ARL6: variants seen among roughly 807,000 people sequenced by gnomAD.
ARL6 encodes ADP-ribosylation factor-like protein 6.
In ARL6, 18 loss-of-function variants were observed where a neutral mutation model predicts 27.1. That is an observed-to-expected ratio of 0.66 (90% CI 0.46 to 0.98). ARL6 has a LOEUF of 0.98. Among genes scored for constraint, ARL6 ranks in the 50% least tolerant of loss-of-function variants. The probability of loss-of-function intolerance (pLI) is 0.00; values close to 1 mark genes in which losing one functional copy is unlikely to be tolerated. For synonymous variants in ARL6, 65 were observed against 72.3 expected, an observed-to-expected ratio of 0.90 and a Z score of 0.51; for missense variants, 187 against 214.9, an observed-to-expected ratio of 0.87 and a Z score of 0.81.
At chr3:97,774,283 G>A (rs548307646) in intron 2 of ARL6, among the ~76,000 whole-genome samples, 1 of 151,980 alleles carries the variant, frequency 6.6e-6, no homozygotes, top group Admixed American at 6.6e-5. Flanking sequence ...TACCTCTGGG[G>A]CCCCCCCAGG....
intron 2 of ARL6, among the ~76,000 whole-genome samples, chr3:97,774,852 C>T (rs2036817215): frequency 6.6e-6 from 1 of 152,150 alleles, no homozygotes; most frequent in Non-Finnish European, 1.5e-5. Context: ...GAGTTACAAT[C>T]CCTGAGTTCA....
intron 2 of ARL6, among the ~76,000 whole-genome samples, chr3:97,773,995 C>T (rs1057095623): frequency 6.6e-6 from 1 of 152,170 alleles, no homozygotes; most frequent in Non-Finnish European, 1.5e-5. Flanking sequence ...TGTAGTTTCC[C>T]ATTGACCTTA....
At chr3:97,771,843 T>C (rs1182482810) in intron 2 of ARL6, among the ~76,000 whole-genome samples, 5 of 152,188 alleles carry the variant, frequency 3.3e-5, no homozygotes, top group African/African-American at 1.2e-4. Flanking sequence ...ATATATTGAT[T>C]TGTGTATGTT....
chr3:97,776,831 G>A (rs954294950), intron 2 of ARL6, among the ~76,000 whole-genome samples: 22 of 151,804 alleles, frequency 1.4e-4, no homozygotes, highest in African/African-American at 5.3e-4. Context: ...TACTTTTTTT[G>A]TATTTTTAGT....
intron 4 of ARL6, among the ~76,000 whole-genome samples, chr3:97,781,633 G>A (rs188876166): frequency 5.3e-5 from 8 of 152,110 alleles, no homozygotes; most frequent in East Asian, 1.9e-4. Flanking sequence ...CCAATCCCTC[G>A]CCAATTCGGA....
At chr3:97,791,919 C>CT in intron 7 of ARL6, 93 bp downstream of exon 7, 1 of 1,098,460 alleles carries the variant, frequency 9.1e-7, no homozygotes, top group Non-Finnish European at 1.3e-6. Context: ...ATATCATTGC[C>CT]TTTTTTCCTC....
intron 2 of ARL6, among the ~76,000 whole-genome samples, chr3:97,774,243 G>A (rs1373632154): frequency 6.6e-6 from 1 of 152,136 alleles, no homozygotes; most frequent in African/African-American, 2.4e-5. Context: ...TGAGTGTAGT[G>A]CACCACCTCA....
At chr3:97,797,991 G>A in intron 7 of ARL6, 33 bp from the exon 8 acceptor site, 1 of 1,606,274 alleles carries the variant, frequency 6.2e-7, no homozygotes, top group Non-Finnish European at 8.5e-7. Flanking sequence ...GCCCTATAGA[G>A]ATTGATAATT....
intron 7 of ARL6, among the ~76,000 whole-genome samples, chr3:97,795,756 C>T (rs1157558963): frequency 6.6e-6 from 1 of 152,160 alleles, no homozygotes; most frequent in African/African-American, 2.4e-5. Context: ...GATTATACAT[C>T]TTCCCTTTAA....
At chr3:97,793,266 C>T (rs2037831771) in intron 7 of ARL6, 1 of 152,140 alleles carries the variant, frequency 6.6e-6, no homozygotes, top group Non-Finnish European at 1.5e-5. Context: ...TCTAGTGATT[C>T]TCAGAAGAAC....
intron 2 of ARL6, among the ~76,000 whole-genome samples, chr3:97,776,588 T>A (rs968898392): frequency 6.6e-6 from 1 of 152,196 alleles, no homozygotes; most frequent in African/African-American, 2.4e-5. Flanking sequence ...CTGTGGGAGA[T>A]AGTGAAGCCT....
intron 2 of ARL6, among the ~76,000 whole-genome samples, chr3:97,770,873 GTC>G (rs2036607200): frequency 2.0e-5 from 3 of 151,940 alleles, no homozygotes. Flanking sequence ...TCTTCTGTTG[GTC>G]TGTGTGTGTG....
At chr3:97,781,983 T>G (rs1167432996) in intron 4 of ARL6, among the ~76,000 whole-genome samples, 2 of 152,026 alleles carry the variant, frequency 1.3e-5, no homozygotes, top group Non-Finnish European at 2.9e-5. Flanking sequence ...ATTCAAATTT[T>G]TTTTTCAATG....
At chr3:97,788,621 A>G (rs1323030007) in intron 6 of ARL6, among the ~76,000 whole-genome samples, 2 of 152,098 alleles carry the variant, frequency 1.3e-5, no homozygotes, top group Non-Finnish European at 2.9e-5. Context: ...TAATCCCTAC[A>G]ATAGTCATAG....
intron 7 of ARL6, among the ~76,000 whole-genome samples, chr3:97,795,380 A>G (rs1223755324): frequency 1.3e-5 from 2 of 152,220 alleles, no homozygotes; most frequent in African/African-American, 4.8e-5. Flanking sequence ...GCATGGAAAA[A>G]GTTAATAATG....
chr3:97,797,997 T>C, intron 7 of ARL6, 27 bp from the exon 8 acceptor site: 13 of 1,610,078 alleles, frequency 8.1e-6, no homozygotes, highest in Non-Finnish European at 1.1e-5. Context: ...TAGAGATTGA[T>C]AATTTTTGTT....
chr3:97,772,454 A>G (rs1044196132), intron 2 of ARL6, among the ~76,000 whole-genome samples: 12 of 151,862 alleles, frequency 7.9e-5, no homozygotes, highest in African/African-American at 2.2e-4. Flanking sequence ...TATAATTTCA[A>G]AAAGCCAACT....
chr3:97,799,171 A>G lies in ARL6; in HGVS notation c.*1122A>G, dbSNP rs927522074. The G allele has an allele frequency of 1.3e-5, 2 of 152,070 alleles. No individual in the cohort carries two copies. Among genetic ancestry groups the G allele is most frequent in the African/African-American group, 4.8e-5 (2 of 41,454 alleles). The allele number at this position is 152,070 out of a possible 1,614,324, so 9.4% of individuals were successfully genotyped here. ...ATATAAAGAAAAACTGTAATATACA[A>G]TATATACCATCTCAAGTATGCTTAG... On this transcript the variant is annotated 3_prime_UTR_variant, in exon 8 of 8. Coordinates refer to ENST00000463745, the MANE Select transcript of ARL6 (RefSeq NM_001278293.3).
chr3:97,779,471 G>C (rs1025132993), intron 2 of ARL6, among the ~76,000 whole-genome samples: 1 of 152,028 alleles, frequency 6.6e-6, no homozygotes, highest in Non-Finnish European at 1.5e-5. Context: ...GCTCAAAATT[G>C]TGTTCTATTT....
Sources: allele counts gnomAD v4.1 joint callset (sites outside exome capture counted in the v4.1 genomes callset), GRCh38; gene constraint gnomAD v4.1.1; transcripts MANE v1.5; gene names NCBI Gene and HGNC (gene_info 2026-07-23, HGNC 2026-07-21).